The following NDUFAF7 variants were observed in gnomAD, a reference collection of about 807,000 sequenced individuals.
NDUFAF7 encodes protein arginine methyltransferase NDUFAF7, mitochondrial.
NDUFAF7 carries 48 observed loss-of-function variants against 47.2 expected under a neutral mutation model. That is an observed-to-expected ratio of 1.02 (90% CI 0.81 to 1.29). The LOEUF (loss-of-function observed/expected upper bound fraction) is 1.29. NDUFAF7 is among the 50% of genes most tolerant of loss of function. The probability of loss-of-function intolerance (pLI) is 0.00; values close to 1 mark genes in which losing one functional copy is unlikely to be tolerated. For synonymous variants in NDUFAF7, 217 were observed against 190.0 expected (o/e 1.14, Z -1.17); for missense variants, 635 against 537.6 (o/e 1.18, Z -1.79).
chr2:37,235,639 C>CTTATTTATTTATTTATTTAT lies in NDUFAF7; in HGVS notation c.217-446_217-427dup, dbSNP rs57466107. Among the ~76,000 whole-genome samples, 419 of 149,876 alleles carry CTTATTTATTTATTTATTTAT rather than the reference C, an allele frequency of 2.8e-3. 4 individuals are homozygous for CTTATTTATTTATTTATTTAT. The highest frequency in any genetic ancestry group is 0.011 in the East Asian group (56 of 5,090). On this transcript the variant is annotated intron_variant, in intron 2 of 9. Coordinates refer to ENST00000002125, the MANE Select transcript of NDUFAF7 (RefSeq NM_144736.5). ...GGGTAAAGACACCATATTTCCCTTG[C>CTTATTTATTTATTTATTTAT]TTATTTATTTATTTATTTATTTATT...
the NDUFAF7 span, among the ~76,000 whole-genome samples, chr2:37,261,433 G>A: frequency 6.6e-6 from 1 of 151,176 alleles, no homozygotes; most frequent in African/African-American, 2.4e-5. Context: ...GCTGCAGTGA[G>A]CCGAGATCAT....
At chr2:37,261,762 A>G in the NDUFAF7 span, among the ~76,000 whole-genome samples, 1 of 150,704 alleles carries the variant, frequency 6.6e-6, no homozygotes, top group Non-Finnish European at 1.5e-5. Flanking sequence ...CCTGGGCAAC[A>G]AGAGCAAAAC....
chr2:37,239,882 G>A (rs970620840), intron 4 of NDUFAF7, among the ~76,000 whole-genome samples: 3 of 152,138 alleles, frequency 2.0e-5, no homozygotes, highest in Non-Finnish European at 4.4e-5. Flanking sequence ...ATTCAGAATG[G>A]TGGTGACTTC....
chr2:37,234,922 G>T (rs1190330298), intron 2 of NDUFAF7, among the ~76,000 whole-genome samples: 1 of 152,200 alleles, frequency 6.6e-6, no homozygotes, highest in Non-Finnish European at 1.5e-5. Context: ...GTCACCTGTA[G>T]TAAGGTGGTA....
intron 2 of NDUFAF7, among the ~76,000 whole-genome samples, chr2:37,234,807 C>A (rs1572529079): frequency 6.6e-6 from 1 of 152,110 alleles, no homozygotes; most frequent in East Asian, 1.9e-4. Context: ...GAAGGCATTT[C>A]ATTCTTGGAG....
chr2:37,249,643 G>GACAGACACACACACACACACACAC (rs1261022368), downstream of NDUFAF7, among the ~76,000 whole-genome samples: 4 of 132,524 alleles, frequency 3.0e-5, no homozygotes, highest in African/African-American at 1.2e-4. Context: ...CTGTGATAGA[G>GACAGACACACACACACACACACAC]ACACACACAC....
chr2:37,268,251 T>A, the NDUFAF7 span: 7 of 461,820 alleles, frequency 1.5e-5, no homozygotes, highest in Non-Finnish European at 3.1e-5. Flanking sequence ...GTAAGTCTAC[T>A]TGAAAAGACT....
chr2:37,242,807 C>T (rs1666494691), intron 6 of NDUFAF7, 114 bp downstream of exon 6: 2 of 776,760 alleles, frequency 2.6e-6, no homozygotes, highest in Non-Finnish European at 4.0e-6. Context: ...TTATTTTTAA[C>T]TATTATTTGG....
At chr2:37,232,845 T>C (rs1665319156) in intron 2 of NDUFAF7, among the ~76,000 whole-genome samples, 1 of 152,260 alleles carries the variant, frequency 6.6e-6, no homozygotes, top group Non-Finnish European at 1.5e-5. Flanking sequence ...TTTCCTTGTC[T>C]GTTCTACAGA....
Position 37,246,068 on chromosome 2 carries a change from A to T in NDUFAF7, c.809A>T (p.Asp270Val), listed in dbSNP as rs1666864786. ...EAFIQHDETR[D>V]HVEVCPDAGV... is the part of the protein sequence containing the mutation. ...CTTTACTAGCATGACGAAACAAGGG[A>T]TCATGTTGAAGTGTGTCCTGATGCT... Residue 270 changes from aspartate (D) to valine (V), a missense_variant, in exon 8 of 10, where the codon GAT (aspartate) becomes GTT (valine). By Grantham distance (152) the Asp-to-Val change is radical (BLOSUM62 -3). Transcript: ENST00000002125. The T allele has an allele frequency of 6.2e-7, 1 of 1,613,838 alleles. No homozygotes were observed. Among genetic ancestry groups the T allele is most frequent in the African/African-American group, 1.3e-5 (1 of 75,028 alleles).
chr2:37,256,575 G>T, downstream of NDUFAF7: 2 of 1,386,218 alleles, frequency 1.4e-6, no homozygotes, highest in Non-Finnish European at 1.9e-6. Context: ...AGTTGCAAGA[G>T]ACAGACTGAT....
chr2:37,242,668 A>G lies in NDUFAF7; in HGVS notation c.656A>G (p.Asp219Gly). ...TTTTATCTTGCACATGAATTTTTTG[A>G]TGTTCTTCCTGTGCATAAATTTCAG... ...YSFYLAHEFF[D>G]VLPVHKFQKT... Residue 219 changes from aspartate to glycine, a missense_variant, in exon 6 of 10, where the codon GAT becomes GGT. Asp to Gly is a moderately conservative substitution (Grantham distance 94). Transcript: ENST00000002125. The G allele has an allele frequency of 4.4e-6, 7 of 1,603,126 alleles. No individual in the cohort carries two copies. Among genetic ancestry groups the G allele is most frequent in the Non-Finnish European group, 6.0e-6 (7 of 1,170,456 alleles).
chr2:37,236,791 AAAG>A (rs888988512), intron 3 of NDUFAF7, among the ~76,000 whole-genome samples: 9 of 151,782 alleles, frequency 5.9e-5, no homozygotes, highest in African/African-American at 2.2e-4. Flanking sequence ...AAAAAAAAAA[AAAG>A]AGAATGGAAG....
chr2:37,265,629 T>G, the NDUFAF7 span, among the ~76,000 whole-genome samples: 1 of 152,114 alleles, frequency 6.6e-6, no homozygotes, highest in African/African-American at 2.4e-5. Flanking sequence ...GAAAAAGTAC[T>G]TAAGTATAAA....
chr2:37,263,929 C>G, the NDUFAF7 span, among the ~76,000 whole-genome samples: 1 of 152,156 alleles, frequency 6.6e-6, no homozygotes, highest in African/African-American at 2.4e-5. Context: ...GCTGAATTTA[C>G]ACCACAATGT....
intron 6 of NDUFAF7, among the ~76,000 whole-genome samples, chr2:37,243,217 G>A (rs1183296292): frequency 3.3e-5 from 5 of 152,126 alleles, no homozygotes; most frequent in African/African-American, 7.2e-5. Flanking sequence ...TTGGGAGGGC[G>A]AGGTGGGTGA....
chr2:37,269,685 A>G, the NDUFAF7 span: 1 of 1,604,820 alleles, frequency 6.2e-7, no homozygotes, highest in Non-Finnish European at 8.5e-7. Flanking sequence ...CAGTACTGAT[A>G]TCCTGGTAGG....
downstream of NDUFAF7, chr2:37,256,863 C>T: frequency 6.2e-7 from 1 of 1,613,902 alleles, no homozygotes; most frequent in Non-Finnish European, 8.5e-7. Context: ...GCTGGAGTTC[C>T]TACCACAGAT....
Position 37,246,042 on chromosome 2 carries a change from C to G in NDUFAF7, c.793-10C>G. 1 of 1,613,388 alleles carries G rather than the reference C, an allele frequency of 6.2e-7. No individual in the cohort carries two copies. The highest frequency in any genetic ancestry group is 8.5e-7 in the Non-Finnish European group (1 of 1,179,636). ...ATGCATTTTGACTCTTGCAATGATC[C>G]CTTTACTAGCATGACGAAACAAGGG... On this transcript the variant is annotated splice_polypyrimidine_tract_variant and intron_variant, in intron 7 of 9. Coordinates refer to ENST00000002125, the MANE Select transcript of NDUFAF7 (RefSeq NM_144736.5).
Sources: allele counts gnomAD v4.1 joint callset (sites outside exome capture counted in the v4.1 genomes callset), GRCh38; gene constraint gnomAD v4.1.1; transcripts MANE v1.5; gene names NCBI Gene and HGNC (gene_info 2026-07-23, HGNC 2026-07-21).